The following DLGAP2 variants were observed in gnomAD, a reference collection of about 807,000 sequenced individuals.
DLGAP2 encodes the protein DLG associated protein 2, also known as disks large-associated protein 2.
A neutral mutation model predicts 100.3 loss-of-function variants in DLGAP2; 26 were observed. The ratio of observed to expected loss-of-function variants is 0.26; its 90% CI spans 0.19 to 0.36. The LOEUF (loss-of-function observed/expected upper bound fraction) is 0.36. Ranked by LOEUF, DLGAP2 falls within the 10% of genes least tolerant of loss-of-function variation. The pLI is 1.00. For synonymous variants in DLGAP2, 886 were observed against 630.1 expected, an observed-to-expected ratio of 1.41 and a Z score of -6.08; for missense variants, 1,858 against 1,453.2, an observed-to-expected ratio of 1.28 and a Z score of -4.53.
intron 3 of DLGAP2, among the ~76,000 whole-genome samples, chr8:1,420,515 C>G (rs1202543615): frequency 6.6e-6 from 1 of 152,182 alleles, no homozygotes; most frequent in Non-Finnish European, 1.5e-5. Context: ...CAACTCTATG[C>G]ATGTCACTAT....
intron 3 of DLGAP2, among the ~76,000 whole-genome samples, chr8:1,329,936 C>A (rs1801110697): frequency 6.6e-6 from 1 of 152,224 alleles, no homozygotes; most frequent in Non-Finnish European, 1.5e-5. Flanking sequence ...TGCAGTAGAA[C>A]CCCAGAGCTT....
At chr8:1,370,828 T>C (rs1009599444) in intron 3 of DLGAP2, among the ~76,000 whole-genome samples, 1 of 152,240 alleles carries the variant, frequency 6.6e-6, no homozygotes, top group Non-Finnish European at 1.5e-5. Context: ...CATCATTAAA[T>C]TGGGCATAAA....
chr8:1,570,938 GGT>G, intron 6 of DLGAP2, among the ~76,000 whole-genome samples: 1 of 149,870 alleles, frequency 6.7e-6, no homozygotes, highest in African/African-American at 2.5e-5. Context: ...GAACTGTGGG[GGT>G]GTCTGATGAG....
chr8:811,752 T>A (rs1303047266), intron 1 of DLGAP2, among the ~76,000 whole-genome samples: 65 of 135,396 alleles, frequency 4.8e-4, no homozygotes, highest in East Asian at 2.1e-3. Flanking sequence ...CTGGGGGCCC[T>A]GCCAGGGCTC....
chr8:1,018,338 A>G (rs1245744606), intron 2 of DLGAP2, among the ~76,000 whole-genome samples: 3 of 152,164 alleles, frequency 2.0e-5, no homozygotes, highest in African/African-American at 7.2e-5. Flanking sequence ...AACTCAATTG[A>G]TTTGACCACA....
At chr8:1,182,709 C>A (rs1245739238) in intron 2 of DLGAP2, among the ~76,000 whole-genome samples, 1 of 152,234 alleles carries the variant, frequency 6.6e-6, no homozygotes, top group African/African-American at 2.4e-5. Context: ...GCCATCACGT[C>A]TGCGCTGCCC....
intron 1 of DLGAP2, among the ~76,000 whole-genome samples, chr8:880,133 C>T (rs565643997): frequency 7.2e-5 from 11 of 152,114 alleles, no homozygotes; most frequent in African/African-American, 1.9e-4. Context: ...TCTTTGCATC[C>T]GTGGTGTTTG....
intron 4 of DLGAP2, among the ~76,000 whole-genome samples, chr8:1,507,189 G>C (rs55836863): frequency 6.6e-6 from 1 of 152,196 alleles, no homozygotes; most frequent in Non-Finnish European, 1.5e-5. Context: ...CAATGGGACC[G>C]GGCGCCGCGG....
intron 2 of DLGAP2, among the ~76,000 whole-genome samples, chr8:1,179,260 A>G (rs917259344): frequency 3.3e-5 from 5 of 152,312 alleles, no homozygotes; most frequent in South Asian, 2.1e-4. Flanking sequence ...GAGGCCTTAG[A>G]TGCAGAGTGG....
intron 2 of DLGAP2, among the ~76,000 whole-genome samples, chr8:1,083,894 C>G (rs1308670308): frequency 6.6e-6 from 1 of 152,142 alleles, no homozygotes; most frequent in Non-Finnish European, 1.5e-5. Context: ...TAATAAAGAA[C>G]TGTGTTCGTG....
chr8:1,124,000 G>A (rs1489672469), intron 2 of DLGAP2, among the ~76,000 whole-genome samples: 1 of 150,446 alleles, frequency 6.6e-6, no homozygotes, highest in African/African-American at 2.4e-5. Flanking sequence ...TTTGGAGGAA[G>A]TGAGAGCGTG....
rs77656013 is a variant in DLGAP2 at position 1,652,097 on chromosome 8, T to C, written c.1811-16232T>C. Among the ~76,000 whole-genome samples the C allele has an allele frequency of 7.4e-3, 1,121 of 152,336 alleles. 16 individuals carry two copies. The highest frequency in any genetic ancestry group is 0.025 in the African/African-American group (1,059 of 41,570). On this transcript the variant is annotated intron_variant, in intron 8 of 14. Transcript: ENST00000637795. ...ACTCTTTAACATGCAGGTGTAGAAT[T>C]AAGAGATATTTGTGTTTCTTTCCTA...
intron 2 of DLGAP2, among the ~76,000 whole-genome samples, chr8:1,207,736 T>A (rs1038764984): frequency 6.6e-6 from 1 of 152,196 alleles, no homozygotes; most frequent in Non-Finnish European, 1.5e-5. Context: ...TCTATTTTTT[T>A]ATTTTTTAAT....
chr8:792,358 C>T (rs1245372557), intron 1 of DLGAP2, among the ~76,000 whole-genome samples: 1 of 151,952 alleles, frequency 6.6e-6, no homozygotes, highest in Admixed American at 6.6e-5. Flanking sequence ...TTTATTTTTC[C>T]CTTCCTAATA....
At chr8:1,122,598 A>T (rs1796076090) in intron 2 of DLGAP2, among the ~76,000 whole-genome samples, 1 of 152,164 alleles carries the variant, frequency 6.6e-6, no homozygotes, top group African/African-American at 2.4e-5. Flanking sequence ...TTTCCTGCTT[A>T]CTATGTGTAG....
intron 3 of DLGAP2, among the ~76,000 whole-genome samples, chr8:1,313,665 A>C (rs544043664): frequency 1.3e-5 from 2 of 152,288 alleles, no homozygotes; most frequent in Middle Eastern, 3.4e-3. Flanking sequence ...GTCCCGGGAT[A>C]CCTCAAGTCC....
chr8:1,408,692 C>A (rs1331108046), intron 3 of DLGAP2, among the ~76,000 whole-genome samples: 1 of 152,176 alleles, frequency 6.6e-6, no homozygotes, highest in Admixed American at 6.5e-5. Flanking sequence ...GTCCTTGTTT[C>A]AGGCTTTCAC....
chr8:742,516 G>A (rs1820513255), intron 1 of DLGAP2, among the ~76,000 whole-genome samples: 4 of 152,208 alleles, frequency 2.6e-5, no homozygotes, highest in Admixed American at 1.3e-4. Flanking sequence ...AGCATTGCAA[G>A]TGGCTTTTTA....
At chr8:1,479,116 G>T (rs781366789) in intron 3 of DLGAP2, among the ~76,000 whole-genome samples, 6 of 152,244 alleles carry the variant, frequency 3.9e-5, no homozygotes, top group African/African-American at 9.6e-5. Context: ...GCCCAGGCAG[G>T]GGGGCAACGC....
Sources: gnomAD v4.1 joint callset for allele counts (sites outside exome capture counted in the v4.1 genomes callset) on GRCh38, gnomAD v4.1.1 for gene constraint, MANE v1.5 for transcripts, NCBI Gene and HGNC (gene_info 2026-07-23, HGNC 2026-07-21) for gene names.